RIMS4: variants seen among roughly 807,000 people sequenced by gnomAD.
RIMS4 encodes regulating synaptic membrane exocytosis protein 4.
In RIMS4, 9 loss-of-function variants were observed where a neutral mutation model predicts 29.0. The observed-to-expected ratio is 0.31, with a 90% confidence interval of 0.19 to 0.54. The LOEUF (loss-of-function observed/expected upper bound fraction) is 0.54. RIMS4 is among the 20% of genes least tolerant of loss of function. RIMS4 has a pLI of 0.94. For missense variants in RIMS4, 193 were observed against 365.7 expected, an observed-to-expected ratio of 0.53 and a Z score of 3.85; for synonymous variants, 130 against 152.9, an observed-to-expected ratio of 0.85 and a Z score of 1.10.
chr20:44,799,020 G>A lies in RIMS4; in HGVS notation c.97+11155C>T, dbSNP rs190920949. Among the ~76,000 whole-genome samples, 112 of 152,334 alleles carry A rather than the reference G, an allele frequency of 7.4e-4. No individual in the cohort carries two copies. In the East Asian group the frequency reaches 7.5e-3, roughly 10 times the overall value. On this transcript the variant is annotated intron_variant, in intron 1 of 5. Transcript: ENST00000372851. The stretch of plus-strand genomic sequence containing the variant: ...GAAGGTACATGTTAAATTCTCCCTT[G>A]AGCCGGGTGTGGTGGCTCATGCCTG...
intron 2 of RIMS4, among the ~76,000 whole-genome samples, chr20:44,763,101 T>G (rs2066093304): frequency 1.3e-5 from 2 of 152,346 alleles, no homozygotes; most frequent in African/African-American, 4.8e-5. Flanking sequence ...TGACAAGTCC[T>G]TGTATGCAAC....
chr20:44,791,184 C>T (rs1010703116), intron 1 of RIMS4, among the ~76,000 whole-genome samples: 4 of 152,366 alleles, frequency 2.6e-5, no homozygotes, highest in Non-Finnish European at 4.4e-5. Flanking sequence ...TGCACGCGCA[C>T]GCGCACACAC....
At chr20:44,777,995 G>A (rs906375126) in intron 1 of RIMS4, among the ~76,000 whole-genome samples, 1 of 152,214 alleles carries the variant, frequency 6.6e-6, no homozygotes, top group Non-Finnish European at 1.5e-5. Context: ...AAATACCCTG[G>A]AGACTGCTGC....
chr20:44,757,642 A>AC, intron 4 of RIMS4, 28 bp downstream of exon 4: 2 of 1,576,134 alleles, frequency 1.3e-6, no homozygotes, highest in Non-Finnish European at 1.7e-6. Flanking sequence ...CTCCACCCCC[A>AC]CCTTGCAGGG....
intron 1 of RIMS4, among the ~76,000 whole-genome samples, chr20:44,777,969 C>T (rs1308653906): frequency 1.3e-5 from 2 of 152,240 alleles, no homozygotes; most frequent in African/African-American, 4.8e-5. Context: ...CACTACTCTT[C>T]CTGTATCTCT....
At chr20:44,765,331 C>T (rs961208674) in intron 2 of RIMS4, among the ~76,000 whole-genome samples, 3 of 152,136 alleles carry the variant, frequency 2.0e-5, no homozygotes, top group African/African-American at 7.2e-5. Flanking sequence ...ATCCTGACTC[C>T]ACCACTCACT....
chr20:44,783,969 T>C (rs927830717), intron 1 of RIMS4, among the ~76,000 whole-genome samples: 5 of 152,212 alleles, frequency 3.3e-5, no homozygotes, highest in African/African-American at 7.2e-5. Flanking sequence ...GTAAACTGTA[T>C]GGTATATGAA....
chr20:44,763,545 C>T (rs1223516699), intron 2 of RIMS4, among the ~76,000 whole-genome samples: 2 of 152,216 alleles, frequency 1.3e-5, no homozygotes, highest in Admixed American at 6.5e-5. Flanking sequence ...ACTGCAGCAG[C>T]GGGTCCCTTC....
At chr20:44,771,081 C>T (rs1601025843) in intron 2 of RIMS4, among the ~76,000 whole-genome samples, 194 bp downstream of exon 2, 3 of 152,234 alleles carry the variant, frequency 2.0e-5, no homozygotes, top group Admixed American at 6.5e-5. Flanking sequence ...ATCCAAGCAG[C>T]GGGGCTCGCT....
chr20:44,808,724 C>T (rs1283208042), intron 1 of RIMS4, among the ~76,000 whole-genome samples: 1 of 152,208 alleles, frequency 6.6e-6, no homozygotes, highest in Non-Finnish European at 1.5e-5. Flanking sequence ...ATCTGCCTCA[C>T]CTATCCCCAT....
At chr20:44,803,917 G>A (rs1156775864) in intron 1 of RIMS4, among the ~76,000 whole-genome samples, 1 of 152,206 alleles carries the variant, frequency 6.6e-6, no homozygotes, top group Non-Finnish European at 1.5e-5. Context: ...GATTGTAGCA[G>A]GGTGGTGGAC....
intron 1 of RIMS4, among the ~76,000 whole-genome samples, chr20:44,804,961 C>A (rs2066292365): frequency 6.6e-6 from 1 of 152,168 alleles, no homozygotes; most frequent in Non-Finnish European, 1.5e-5. Flanking sequence ...AATCCTCATG[C>A]ACCTGATTTT....
In RIMS4 at chr20:44,756,792, A is replaced by G; in HGVS notation, c.591+106T>C. The G allele has an allele frequency of 9.0e-7, 1 of 1,115,702 alleles. No individual in the cohort carries two copies. Among genetic ancestry groups the G allele is most frequent in the African/African-American group, 1.6e-5 (1 of 63,932 alleles). 69.1% of individuals were successfully genotyped at this position (1,115,702 alleles called of 1,614,324 possible). ...GGGCCTCGCCTGTTTCCTCCAGGCGAGGCCCTCCAGAGACACCCCCCGCCA... is the reference window on the plus strand; with the variant it reads ...GGGCCTCGCCTGTTTCCTCCAGGCGGGGCCCTCCAGAGACACCCCCCGCCA... On this transcript the variant is annotated intron_variant, in intron 5 of 5. Transcript: ENST00000372851. The surrounding 1 kb of genome is among the most constrained non-coding windows in gnomAD (Gnocchi z 5.9).
chr20:44,781,169 C>T (rs2066182864), intron 1 of RIMS4, among the ~76,000 whole-genome samples: 1 of 152,176 alleles, frequency 6.6e-6, no homozygotes, highest in South Asian at 2.1e-4. Context: ...ATTCAACACA[C>T]TCTTTACTAA....
chr20:44,809,434 C>A (rs1465703271), intron 1 of RIMS4, among the ~76,000 whole-genome samples: 1 of 152,112 alleles, frequency 6.6e-6, no homozygotes, highest in Non-Finnish European at 1.5e-5. Flanking sequence ...GTTCAAGCCG[C>A]TGGCTGGTGG....
intron 1 of RIMS4, among the ~76,000 whole-genome samples, chr20:44,797,111 C>A (rs1344755186): frequency 1.3e-5 from 2 of 152,242 alleles, no homozygotes; most frequent in Non-Finnish European, 2.9e-5. Flanking sequence ...CTGATGGGAA[C>A]TGCTGTATAA....
intron 1 of RIMS4, among the ~76,000 whole-genome samples, chr20:44,779,721 G>T (rs2066175614): frequency 6.6e-6 from 1 of 152,166 alleles, no homozygotes; most frequent in Non-Finnish European, 1.5e-5. Context: ...TCTTGTATGT[G>T]TCTTTTGGTG....
In RIMS4 at chr20:44,757,049, G is replaced by A. The variant is rs2066063817; in HGVS notation, c.452-12C>T. 1 of 1,611,828 alleles carries A rather than the reference G, an allele frequency of 6.2e-7. No homozygotes were observed. The highest frequency in any genetic ancestry group is 1.3e-5 in the African/African-American group (1 of 74,844). On this transcript the variant is annotated splice_polypyrimidine_tract_variant and intron_variant, in intron 4 of 5. Transcript: ENST00000372851. ...CTTGATGTAGGCCGCTGGGGATAGAGGCCAGCAGGGGTGAGTTCTAGTTTG... is the reference window on the plus strand; with the variant it reads ...CTTGATGTAGGCCGCTGGGGATAGAAGCCAGCAGGGGTGAGTTCTAGTTTG...
At chr20:44,774,353 G>C (rs1399550063) in intron 1 of RIMS4, among the ~76,000 whole-genome samples, 1 of 152,200 alleles carries the variant, frequency 6.6e-6, no homozygotes, top group Non-Finnish European at 1.5e-5. Flanking sequence ...TGCCAAAGGA[G>C]ATTAACATTT....
Sources: gnomAD v4.1 joint callset for allele counts (sites outside exome capture counted in the v4.1 genomes callset) on GRCh38, gnomAD v4.1.1 for gene constraint, Gnocchi (gnomAD v3.1) non-coding constraint, MANE v1.5 for transcripts, NCBI Gene and HGNC (gene_info 2026-07-23, HGNC 2026-07-21) for gene names.